C8orf34: variants seen among roughly 807,000 people sequenced by gnomAD.
The protein encoded by C8orf34 is chromosome 8 open reading frame 34.
In C8orf34, 65 loss-of-function variants were observed where a neutral mutation model predicts 68.3. That is an observed-to-expected ratio of 0.95 (90% confidence interval 0.78 to 1.17). C8orf34 has a LOEUF of 1.17. C8orf34 is among the 50% of genes most tolerant of loss of function. The pLI is 0.00. For synonymous variants in C8orf34, 244 were observed against 241.2 expected (o/e 1.01, Z -0.11); for missense variants, 664 against 655.4 (o/e 1.01, Z -0.14).
chr8:68,674,884 A>G (rs907062321), intron 8 of C8orf34, among the ~76,000 whole-genome samples: 1 of 152,026 alleles, frequency 6.6e-6, no homozygotes, highest in African/African-American at 2.4e-5. Context: ...CAAAGGATAA[A>G]GAAAGGATCC....
intron 12 of C8orf34, among the ~76,000 whole-genome samples, chr8:68,788,278 GA>G (rs1823899452): frequency 6.6e-6 from 1 of 152,176 alleles, no homozygotes; most frequent in African/African-American, 2.4e-5. Flanking sequence ...ATAACCATGA[GA>G]AATACTGATA....
chr8:68,700,830 C>G (rs533189428), intron 8 of C8orf34, among the ~76,000 whole-genome samples: 1 of 151,802 alleles, frequency 6.6e-6, no homozygotes, highest in Non-Finnish European at 1.5e-5. Flanking sequence ...GAATTTCCCT[C>G]AAAAAAATAA....
intron 1 of C8orf34, among the ~76,000 whole-genome samples, chr8:68,369,113 A>G (rs1807442150): frequency 6.6e-6 from 1 of 152,244 alleles, no homozygotes; most frequent in South Asian, 2.1e-4. Context: ...ATTCAAAAGC[A>G]GACAAGTAAT....
At chr8:68,726,834 C>G (rs188900652) in intron 10 of C8orf34, among the ~76,000 whole-genome samples, 15 of 115,416 alleles carry the variant, frequency 1.3e-4, no homozygotes, top group African/African-American at 5.4e-4. Flanking sequence ...AAGATTGGCC[C>G]CCATGATTCA....
chr8:68,659,738 C>T (rs1398310851), intron 8 of C8orf34, among the ~76,000 whole-genome samples: 1 of 152,054 alleles, frequency 6.6e-6, no homozygotes, highest in African/African-American at 2.4e-5. Context: ...TCAGTCCACT[C>T]CATTAACTCT....
intron 11 of C8orf34, among the ~76,000 whole-genome samples, chr8:68,782,163 AT>A (rs1245664829): frequency 6.6e-6 from 1 of 152,208 alleles, no homozygotes; most frequent in East Asian, 1.9e-4. Context: ...CAAAATGTCT[AT>A]TTTTCATATT....
intron 7 of C8orf34, among the ~76,000 whole-genome samples, chr8:68,619,207 T>C (rs1450649056): frequency 6.6e-6 from 1 of 152,138 alleles, no homozygotes; most frequent in Non-Finnish European, 1.5e-5. Flanking sequence ...GTGCCTATAG[T>C]CCCAGCTACT....
At chr8:68,389,960 C>G (rs956791464) in intron 1 of C8orf34, among the ~76,000 whole-genome samples, 1 of 152,076 alleles carries the variant, frequency 6.6e-6, no homozygotes, top group Non-Finnish European at 1.5e-5. Flanking sequence ...ATGTATTAAG[C>G]ATGTGAGTAA....
chr8:68,544,784 C>T (rs1815816796), intron 7 of C8orf34, among the ~76,000 whole-genome samples: 2 of 151,788 alleles, frequency 1.3e-5, no homozygotes, highest in Non-Finnish European at 2.9e-5. Flanking sequence ...AGATTGATAG[C>T]TTATCAAATA....
chr8:68,779,180 AACACACACACACACAC>A (rs10550333), intron 11 of C8orf34, among the ~76,000 whole-genome samples: 1,786 of 139,220 alleles, frequency 0.013, 24 homozygotes, highest in African/African-American at 0.024. Flanking sequence ...CTGTCTCTGA[AACACACACACACACAC>A]ACACACACAC....
At chr8:68,778,405 A>G (rs1196852374) in intron 11 of C8orf34, among the ~76,000 whole-genome samples, 1 of 152,194 alleles carries the variant, frequency 6.6e-6, no homozygotes, top group South Asian at 2.1e-4. Flanking sequence ...AAGTTTGAAC[A>G]GCTCTTTGCA....
At chr8:68,385,864 C>A (rs1479648935) in intron 1 of C8orf34, among the ~76,000 whole-genome samples, 4 of 152,112 alleles carry the variant, frequency 2.6e-5, no homozygotes, top group Admixed American at 6.6e-5. Context: ...AGTATTTTTA[C>A]CAAAAACCTA....
intron 8 of C8orf34, among the ~76,000 whole-genome samples, chr8:68,668,957 C>A (rs1230992922): frequency 3.3e-5 from 5 of 152,102 alleles, no homozygotes; most frequent in African/African-American, 1.2e-4. Context: ...CAGATAAGAC[C>A]CCAGCCCAGC....
intron 8 of C8orf34, among the ~76,000 whole-genome samples, chr8:68,674,616 G>GA (rs887799439): frequency 3.3e-5 from 5 of 149,434 alleles, no homozygotes; most frequent in South Asian, 2.1e-4. Context: ...GGAGATGAAA[G>GA]AAAAAAAAAG....
At chr8:68,453,536 C>T (rs551640677) in intron 3 of C8orf34, among the ~76,000 whole-genome samples, 63 of 152,068 alleles carry the variant, frequency 4.1e-4, no homozygotes, top group African/African-American at 1.3e-3. Context: ...CAGATGCTAT[C>T]GTAAATGGAA....
chr8:68,439,753 G>C, intron 2 of C8orf34, 107 bp downstream of exon 2: 1 of 1,074,868 alleles, frequency 9.3e-7, no homozygotes, highest in African/African-American at 1.6e-5. Context: ...GTTACCAAAG[G>C]TTTCATGTGT....
intron 5 of C8orf34, among the ~76,000 whole-genome samples, chr8:68,501,904 C>A (rs1813790094): frequency 6.6e-6 from 1 of 152,106 alleles, no homozygotes; most frequent in Non-Finnish European, 1.5e-5. Flanking sequence ...AGGGAAAGAT[C>A]AGTCAATTTT....
At chr8:68,519,858 T>G (rs1814676612) in intron 5 of C8orf34, among the ~76,000 whole-genome samples, 1 of 152,212 alleles carries the variant, frequency 6.6e-6, no homozygotes, top group Non-Finnish European at 1.5e-5. Flanking sequence ...TAAGTAACAT[T>G]GTAAAGTCTC....
At chr8:68,769,007 C>T (rs564734182) in intron 10 of C8orf34, among the ~76,000 whole-genome samples, 1 of 151,702 alleles carries the variant, frequency 6.6e-6, no homozygotes, top group Non-Finnish European at 1.5e-5. Flanking sequence ...TCTTTTTTGT[C>T]TAGATCCTTA....
Sources: allele counts gnomAD v4.1 joint callset (sites outside exome capture counted in the v4.1 genomes callset), GRCh38; gene constraint gnomAD v4.1.1; transcripts MANE v1.5; gene names NCBI Gene and HGNC (gene_info 2026-07-23, HGNC 2026-07-21).